The following ADARB1 variants were observed in gnomAD, a reference collection of about 807,000 sequenced individuals.
The protein encoded by ADARB1 is adenosine deaminase RNA specific B1, also known as double-stranded RNA-specific editase 1.
Under a neutral mutation model 52.4 loss-of-function variants are expected in ADARB1, and 10 were observed. That is an observed-to-expected ratio of 0.19 (90% CI 0.12 to 0.32). ADARB1 has a LOEUF of 0.32. Ranked by LOEUF, ADARB1 falls within the 10% of genes least tolerant of loss-of-function variation. The pLI is 1.00. For missense variants in ADARB1, 643 were observed against 922.3 expected, an observed-to-expected ratio of 0.70 and a Z score of 3.92; for synonymous variants, 349 against 371.1, an observed-to-expected ratio of 0.94 and a Z score of 0.68.
chr21:45,196,744 T>C (rs570329062), intron 8 of ADARB1, among the ~76,000 whole-genome samples: 2 of 152,322 alleles, frequency 1.3e-5, no homozygotes, highest in Non-Finnish European at 2.9e-5. Flanking sequence ...TCAACACCAT[T>C]AGTCACTGAT....
At chr21:45,115,799 C>T (rs1403347731) in intron 1 of ADARB1, among the ~76,000 whole-genome samples, 1 of 152,136 alleles carries the variant, frequency 6.6e-6, no homozygotes, top group Non-Finnish European at 1.5e-5. Flanking sequence ...GTGTGAGTTT[C>T]TGGTGCTGTT....
intron 2 of ADARB1, among the ~76,000 whole-genome samples, chr21:45,159,158 C>T (rs1257170797): frequency 1.3e-5 from 2 of 152,076 alleles, no homozygotes; most frequent in Non-Finnish European, 2.9e-5. Flanking sequence ...ATTGACTCAC[C>T]GTTCCACATG....
At chr21:45,124,769 GTGT>G (rs1429439878) in intron 1 of ADARB1, among the ~76,000 whole-genome samples, 4 of 148,234 alleles carry the variant, frequency 2.7e-5, no homozygotes, top group Non-Finnish European at 6.0e-5. Context: ...TTTAAATGGT[GTGT>G]GTGTGTGTGT....
At chr21:45,196,349 A>G (rs375129839) in intron 8 of ADARB1, among the ~76,000 whole-genome samples, 7 of 152,238 alleles carry the variant, frequency 4.6e-5, no homozygotes, top group African/African-American at 1.4e-4. Flanking sequence ...CTTCACTTAT[A>G]TTTTGCACCT....
chr21:45,122,905 C>G (rs2145804349), intron 1 of ADARB1, among the ~76,000 whole-genome samples: 1 of 152,270 alleles, frequency 6.6e-6, no homozygotes, highest in East Asian at 1.9e-4. Context: ...TCTTCTGCAC[C>G]TGTGGTTCCT....
chr21:45,222,481 G>T lies in ADARB1; in HGVS notation c.*284G>T. 1 of 1,198,458 alleles carries T rather than the reference G, an allele frequency of 8.3e-7. No individual in the cohort carries two copies. Among genetic ancestry groups the T allele is most frequent in the East Asian group, 3.6e-5 (1 of 27,460 alleles). 74.2% of individuals were successfully genotyped at this position (1,198,458 alleles called of 1,614,324 possible). On this transcript the variant is annotated 3_prime_UTR_variant, in exon 11 of 11. Transcript: ENST00000348831. The stretch of plus-strand genomic sequence containing the variant: ...CCGTCCAGTGACTGCTTTCAATCTC[G>T]GTTTACGTTTAGAAATTGAGTTCTA...
chr21:45,220,772 T>G lies in ADARB1; in HGVS notation c.1748-64T>G. On this transcript the variant is annotated intron_variant, in intron 9 of 10. Coordinates refer to ENST00000348831, the MANE Select transcript of ADARB1 (RefSeq NM_001112.4). This position sits in a 1 kb window ranked among gnomAD's most constrained non-coding sequence, Gnocchi z 6.3. Reference sequence around the variant, plus strand: ...ATGTCTGAGCACAGTGTGCCGCCCGTGGCTGCTCCCTCCCTGGGGGTGAAA... The same window carrying G: ...ATGTCTGAGCACAGTGTGCCGCCCGGGGCTGCTCCCTCCCTGGGGGTGAAA... The G allele has an allele frequency of 1.9e-6, 3 of 1,573,118 alleles. No individual in the cohort carries two copies. Among genetic ancestry groups the G allele is most frequent in the Non-Finnish European group, 2.6e-6 (3 of 1,151,160 alleles).
At position 45,226,211 on chromosome 21, in the gene ADARB1, G is replaced by A. The variant is rs577307979; in HGVS notation, c.*4014G>A. 2.6e-5 allele frequency: 4 copies of A among 152,450 alleles called. No individual in the cohort carries two copies. Among genetic ancestry groups the A allele is most frequent in the Admixed American group, 2.6e-4 (4 of 15,284 alleles). 9.4% of individuals were successfully genotyped at this position (152,450 alleles called of 1,614,324 possible). A position where few individuals can be genotyped will look rare whatever the true frequency, so the allele number is the denominator to read the frequency against. On this transcript the variant is annotated 3_prime_UTR_variant, in exon 11 of 11. Coordinates refer to ENST00000348831, the MANE Select transcript of ADARB1 (RefSeq NM_001112.4). ...CTTTTGGCCACAGCATAAGCTGATG[G>A]TATGTAAGGAACCGATGGGCCATTA...
At chr21:45,192,277 G>C (rs1435226546) in intron 8 of ADARB1, among the ~76,000 whole-genome samples, 1 of 152,098 alleles carries the variant, frequency 6.6e-6, no homozygotes, top group Non-Finnish European at 1.5e-5. Flanking sequence ...GGTATGGGAA[G>C]GAGTAACCAA....
intron 1 of ADARB1, among the ~76,000 whole-genome samples, chr21:45,085,035 A>G (rs2086286593): frequency 6.6e-6 from 1 of 152,142 alleles, no homozygotes; most frequent in Non-Finnish European, 1.5e-5. Context: ...TTACCCTGGG[A>G]TCATGTGCAG....
intron 2 of ADARB1, among the ~76,000 whole-genome samples, chr21:45,132,023 C>G (rs531806040): frequency 6.6e-6 from 1 of 152,332 alleles, no homozygotes; most frequent in South Asian, 2.1e-4. Context: ...AATTCTGGAT[C>G]CTCAGATATT....
At chr21:45,129,144 G>A (rs897856126) in intron 2 of ADARB1, among the ~76,000 whole-genome samples, 1 of 151,878 alleles carries the variant, frequency 6.6e-6, no homozygotes, top group Non-Finnish European at 1.5e-5. Context: ...CAGGAGAATC[G>A]CTTGAACCCG....
intron 1 of ADARB1, among the ~76,000 whole-genome samples, chr21:45,090,737 G>A (rs1444091980): frequency 6.6e-6 from 1 of 152,190 alleles, no homozygotes; most frequent in African/African-American, 2.4e-5. Context: ...CCCCGGTTCT[G>A]ACCTCTCTCC....
At chr21:45,185,240 A>G (rs1041374795) in intron 8 of ADARB1, 149 bp downstream of exon 8, 1 of 1,091,594 alleles carries the variant, frequency 9.2e-7, no homozygotes, top group African/African-American at 1.6e-5. Context: ...CTGAGGTTCT[A>G]AACAGGTGCT....
chr21:45,222,275 G>T lies in ADARB1; in HGVS notation c.*78G>T. ...CTCCAGAACCTCACATCTGAACTGG[G>T]GGCAGGTGCATACCTTGGGGAGGGA... is the stretch of plus-strand genomic sequence containing the variant. On this transcript the variant is annotated 3_prime_UTR_variant, in exon 11 of 11. Transcript: ENST00000348831. 1 of 1,462,032 alleles carries T rather than the reference G, an allele frequency of 6.8e-7. No homozygotes were observed. The highest frequency in any genetic ancestry group is 2.5e-5 in the East Asian group (1 of 39,852). 90.6% of individuals were successfully genotyped at this position (1,462,032 alleles called of 1,614,324 possible).
chr21:45,139,933 CTTTTTTTTTTT>C (rs200847132), intron 2 of ADARB1, among the ~76,000 whole-genome samples: 11 of 84,972 alleles, frequency 1.3e-4, no homozygotes, highest in South Asian at 4.8e-4. Context: ...CAATAAAACT[CTTTTTTTTTTT>C]TTTTTTTTTT....
chr21:45,215,401 T>C (rs1405916454), intron 9 of ADARB1, among the ~76,000 whole-genome samples: 1 of 152,162 alleles, frequency 6.6e-6, no homozygotes, highest in East Asian at 1.9e-4. Context: ...TTTTTTTCTA[T>C]TTATAGCTTA....
intron 1 of ADARB1, among the ~76,000 whole-genome samples, chr21:45,104,886 T>C (rs988128323): frequency 6.6e-6 from 1 of 152,148 alleles, no homozygotes; most frequent in African/African-American, 2.4e-5. Flanking sequence ...TGATATAAAG[T>C]CTCTGTGCTT....
chr21:45,133,802 G>A, intron 2 of ADARB1: 1 of 235,522 alleles, frequency 4.2e-6, no homozygotes, highest in Non-Finnish European at 8.3e-6. Flanking sequence ...ACAGTGGTGT[G>A]TGCGCCCGAT....
Sources: allele counts gnomAD v4.1 joint callset (sites outside exome capture counted in the v4.1 genomes callset), GRCh38; gene constraint gnomAD v4.1.1; non-coding constraint Gnocchi (gnomAD v3.1); transcripts MANE v1.5; gene names NCBI Gene and HGNC (gene_info 2026-07-23, HGNC 2026-07-21).